Variants in TTN observed in about 807,000 individuals in gnomAD.
The protein encoded by TTN is titin, also known as connectin.
TTN carries 1,525 observed loss-of-function variants against 3,223.0 expected under a neutral mutation model. That is an observed-to-expected ratio of 0.47 (90% confidence interval 0.45 to 0.49). The LOEUF (loss-of-function observed/expected upper bound fraction) is 0.49. Ranked by LOEUF, TTN falls within the 20% of genes least tolerant of loss-of-function variation. The pLI, the probability that TTN is intolerant of heterozygous loss-of-function variation, is 0.00. For synonymous variants in TTN, 14,094 were observed against 15,161.0 expected (o/e 0.93, Z 5.17); for missense variants, 40,786 against 43,424.0 (o/e 0.94, Z 5.40).
intron 258 of TTN, 52 bp from the exon 259 acceptor site, chr2:178,615,536 C>G: frequency 6.2e-7 from 1 of 1,608,458 alleles, no homozygotes; most frequent in Non-Finnish European, 8.5e-7. Flanking sequence ...CTATGCAGTT[C>G]TCTTCACATT....
rs1290760034 is a variant in TTN, at chr2:178,672,261, G to A, written c.34937C>T (p.Thr11646Ile). 2 of 1,581,488 alleles carry A rather than the reference G, an allele frequency of 1.3e-6. No individual in the cohort carries two copies. Among genetic ancestry groups the A allele is most frequent in the Admixed American group, 1.8e-5 (1 of 55,536 alleles). The change falls in exon 155 of 363, where the codon ACT (threonine) becomes ATT (isoleucine). Residue 11646 changes from threonine to isoleucine, a missense_variant. Coordinates refer to ENST00000589042, the MANE Select transcript of TTN (RefSeq NM_001267550.2). ...KEAVPPAKGR[T>I]VLEEKVSVAF... ...AACTGATACTTTTTCTTCAAGGACA[G>A]TTCTCCCTGAAAGAGCATCTATTTT... is the stretch of plus-strand genomic sequence containing the variant.
At chr2:178,695,217 AT>A (rs905038440) in intron 115 of TTN, 130 bp downstream of exon 115, 1 of 627,492 alleles carries the variant, frequency 1.6e-6, no homozygotes, top group South Asian at 3.3e-5. Context: ...AGAAAAAAAA[AT>A]CATTCACAAT....
At position 178,568,522 on chromosome 2, in the gene TTN, G is replaced by A. The variant is rs1198389043; in HGVS notation, c.77610C>T (p.Ile25870=). The stretch of plus-strand genomic sequence containing the variant: ...TCTGACCAACAACATTGGCAACTGT[G>A]ATTCCATATTGTCCACCATCATCCT... ...THKDDGGQYG[I]TVANVVGQKT... The change falls in exon 326 of 363, where the codon ATC becomes ATT. Residue 25870 remains isoleucine (I), a synonymous_variant. Transcript: ENST00000589042. The A allele has an allele frequency of 6.2e-7, 1 of 1,613,384 alleles. No homozygotes were observed. Among genetic ancestry groups the A allele is most frequent in the Non-Finnish European group, 8.5e-7 (1 of 1,179,528 alleles).
In TTN at chr2:178,536,737, C is replaced by G. The variant is rs528204773; in HGVS notation, c.100172-162G>C. 5 of 808,392 alleles carry G rather than the reference C, an allele frequency of 6.2e-6. No homozygotes were observed. The South Asian group carries it at 1.3e-4, about 21-fold the overall frequency. The allele number at this position is 808,392 out of a possible 1,614,324, so 50.1% of individuals were successfully genotyped here. On this transcript the variant is annotated intron_variant, in intron 356 of 362. Coordinates refer to ENST00000589042, the MANE Select transcript of TTN (RefSeq NM_001267550.2). ...CTTTATACTAAGACATATCAAAAAC[C>G]AAAGTTCTATTTTTACAATGGGGTT...
Position 178,565,665 on chromosome 2 carries a change from C to G in TTN, c.80467G>C (p.Gly26823Arg). The G allele has an allele frequency of 6.2e-7, 1 of 1,613,574 alleles. No homozygotes were observed. The highest frequency in any genetic ancestry group is 8.5e-7 in the Non-Finnish European group (1 of 1,179,640). ...GCCACAATGCTCCATTTTTCAGTTC[C>G]TTTGGGCTGCATTTCAACAACGTAC... ...LGYVVEMQPK[G>R]TEKWSIVAES... Residue 26823 changes from glycine (G) to arginine (R), a missense_variant, in exon 326 of 363, where the codon GGA (glycine) becomes CGA (arginine). Transcript: ENST00000589042.
rs2075487390 is a variant in TTN at position 178,704,224 on chromosome 2, T to C, written c.30146A>G (p.Asp10049Gly). 1.9e-6 allele frequency: 3 copies of C among 1,614,048 alleles called. No homozygotes were observed. The highest frequency in any genetic ancestry group is 1.3e-5 in the African/African-American group (1 of 75,082). Reference sequence around the variant, plus strand: ...CTGACCCTGGTCTTCTGCTCGAACATCTGCAATGGTCAATTTATGGACTTT... The same window carrying C: ...CTGACCCTGGTCTTCTGCTCGAACACCTGCAATGGTCAATTTATGGACTTT... Reference protein sequence around the residue: ...EHKVHKLTIADVRAEDQGQYT... With the variant: ...EHKVHKLTIAGVRAEDQGQYT... The change falls in exon 106 of 363, where the codon GAT becomes GGT. Residue 10049 changes from aspartate (D) to glycine (G), a missense_variant. Asp to Gly is a moderately conservative substitution (Grantham distance 94). Transcript: ENST00000589042.
At position 178,677,335 on chromosome 2, in the gene TTN, C is replaced by CATATAT. The variant is rs61060584; in HGVS notation, c.34292-54_34292-49dup. On this transcript the variant is annotated intron_variant, in intron 146 of 362. Transcript: ENST00000589042. ...GCATTAAAAACCACATATACATGGT[C>CATATAT]ATATATATATATATATATATATATA... is the stretch of plus-strand genomic sequence containing the variant. 0.019 allele frequency: 4,888 copies of CATATAT among 251,208 alleles called. 116 individuals carry two copies. The highest frequency in any genetic ancestry group is 0.025 in the Admixed American group (304 of 12,274). 15.6% of individuals were successfully genotyped at this position (251,208 alleles called of 1,614,324 possible).
At position 178,593,639 on chromosome 2, in the gene TTN, A is replaced by G. The variant is rs974431132; in HGVS notation, c.58661T>C (p.Ile19554Thr). The G allele has an allele frequency of 1.2e-6, 2 of 1,613,108 alleles. No homozygotes were observed. The highest frequency in any genetic ancestry group is 2.2e-5 in the South Asian group (2 of 91,056). Residue 19554 changes from isoleucine (I) to threonine (T), a missense_variant, in exon 298 of 363, where the codon ATA becomes ACA. By Grantham distance (89) the Ile-to-Thr change is moderately conservative. Transcript: ENST00000589042. ...LLEGKDYIFR[I>T]HAENLYGISD... The stretch of plus-strand genomic sequence containing the variant: ...TATTCCATACAGATTTTCAGCATGT[A>G]TCCGGAAAATATAATCTTTTCCTTC...
rs375134177 is a variant in TTN at position 178,593,998 on chromosome 2, T to C, written c.58395A>G (p.Thr19465=). ...GKYCVVVENS[T]GSRKGFCQVN... is the part of the protein sequence containing the mutation. Reference sequence around the variant, plus strand: ...CTTGACAGAAACCTTTCCTAGAGCCTGTACTGTTCTCCACAACCACACAGT... The same window carrying C: ...CTTGACAGAAACCTTTCCTAGAGCCCGTACTGTTCTCCACAACCACACAGT... The change falls in exon 297 of 363, where the codon ACA becomes ACG. Residue 19465 remains threonine, a synonymous_variant. Coordinates refer to ENST00000589042, the MANE Select transcript of TTN (RefSeq NM_001267550.2). 8 of 1,613,494 alleles carry C rather than the reference T, an allele frequency of 5.0e-6. No homozygotes were observed. The African/African-American group carries it at 1.1e-4, about 22-fold the overall frequency.
Position 178,553,487 on chromosome 2 carries a change from C to A in TTN, c.89503+15G>T. 1.3e-6 allele frequency: 2 copies of A among 1,589,614 alleles called. No individual in the cohort carries two copies. The highest frequency in any genetic ancestry group is 1.7e-6 in the Non-Finnish European group (2 of 1,168,206). On this transcript the variant is annotated intron_variant, in intron 334 of 362. Transcript: ENST00000589042. ...ATGCTTATTAAAAAACATAATCAAA[C>A]CAGTAGGTACATACCAAGTATATCT...
chr2:178,582,005 C>G lies in TTN; in HGVS notation c.66364G>C (p.Glu22122Gln), dbSNP rs764747244. Residue 22122 changes from glutamate (E) to glutamine (Q), a missense_variant, in exon 315 of 363, where the codon GAA becomes CAA. Glu to Gln is a conservative substitution (Grantham distance 29). Transcript: ENST00000589042. ...ERTLKATGLQ[E>Q]GTEYEFRVTA... ...ACACGGAACTCATATTCGGTACCTT[C>G]TTGAAGACCTGTTGCTTTTAATGTT... 1 of 1,613,326 alleles carries G rather than the reference C, an allele frequency of 6.2e-7. No homozygotes were observed. Among genetic ancestry groups the G allele is most frequent in the Middle Eastern group, 1.7e-4 (1 of 6,052 alleles).
intron 180 of TTN, among the ~76,000 whole-genome samples, chr2:178,660,763 T>G (rs1255475005): frequency 6.6e-6 from 1 of 152,282 alleles, no homozygotes; most frequent in East Asian, 1.9e-4. Flanking sequence ...GGGAGAAAAT[T>G]TTTGCAATCT....
At chr2:178,706,326 G>A (rs2075860543) in intron 102 of TTN, 128 bp downstream of exon 102, 3 of 956,904 alleles carry the variant, frequency 3.1e-6, no homozygotes, top group African/African-American at 3.3e-5. Flanking sequence ...TTGTTATGCT[G>A]TATTGTTTAT....
At chr2:178,744,411 A>G (rs2083067246) in intron 47 of TTN, 1 of 982,878 alleles carries the variant, frequency 1.0e-6, no homozygotes, top group South Asian at 4.7e-5. Context: ...AGAATTTTTT[A>G]TATTTGTCGA....
At position 178,546,769 on chromosome 2, in the gene TTN, A is replaced by G. The variant is rs1344159944; in HGVS notation, c.94659T>C (p.Asp31553=). Residue 31553 remains aspartate (D), a synonymous_variant, in exon 341 of 363, where the codon GAT becomes GAC. Transcript: ENST00000589042. ...TGTAGTTGCACTTCAGCCAGCGACC[A>G]TCTCCTACCTCACTGACTGGCTTAC... ...IERKPVSEVG[D]GRWLKCNYTI... 6 of 1,613,608 alleles carry G rather than the reference A, an allele frequency of 3.7e-6. No individual in the cohort carries two copies. The highest frequency in any genetic ancestry group is 3.3e-5 in the South Asian group (3 of 91,080).
intron 106 of TTN, among the ~76,000 whole-genome samples, chr2:178,703,043 G>C (rs2075271516): frequency 6.6e-6 from 1 of 152,144 alleles, no homozygotes; most frequent in South Asian, 2.1e-4. Flanking sequence ...TCTTGCCTCA[G>C]TAAAATAATT....
Position 178,753,174 on chromosome 2 carries a change from T to G in TTN, c.11261A>C (p.Glu3754Ala). 7 of 1,608,498 alleles carry G rather than the reference T, an allele frequency of 4.4e-6. No homozygotes were observed. Among genetic ancestry groups the G allele is most frequent in the Non-Finnish European group, 5.1e-6 (6 of 1,176,642 alleles). ...TTCAATCCTCTCATGCAAAATTGATTCAGGAGCTAAAATAGAAAAACATAT... is the reference window on the plus strand; with the variant it reads ...TTCAATCCTCTCATGCAAAATTGATGCAGGAGCTAAAATAGAAAAACATAT... ...SAVLSVEGAP[E>A]SILHERIEQE... is the part of the protein sequence containing the mutation. The change falls in exon 47 of 363, where the codon GAA becomes GCA. Residue 3754 changes from glutamate to alanine, a missense_variant. Transcript: ENST00000589042.
Position 178,566,831 on chromosome 2 carries a change from A to G in TTN, c.79301T>C (p.Ile26434Thr). ...TGTAATGCGGCGTTTATTACATTTT[A>G]TCCATCGAATGCCACTTCTGTCTCT... ...EKRDRSGIRW[I>T]KCNKRRITDL... Residue 26434 changes from isoleucine to threonine, a missense_variant, in exon 326 of 363, where the codon ATA (isoleucine) becomes ACA (threonine). By Grantham distance (89) the Ile-to-Thr change is moderately conservative. Coordinates refer to ENST00000589042, the MANE Select transcript of TTN (RefSeq NM_001267550.2). 2 of 1,613,440 alleles carry G rather than the reference A, an allele frequency of 1.2e-6. No homozygotes were observed. Among genetic ancestry groups the G allele is most frequent in the East Asian group, 2.2e-5 (1 of 44,778 alleles).
At chr2:178,758,304 T>C (rs2087925299) in intron 44 of TTN, among the ~76,000 whole-genome samples, 1 of 152,246 alleles carries the variant, frequency 6.6e-6, no homozygotes, top group Admixed American at 6.5e-5. Flanking sequence ...AAAAATAGTT[T>C]CTCTAAATCC....
Sources: allele counts gnomAD v4.1 joint callset (sites outside exome capture counted in the v4.1 genomes callset), GRCh38; gene constraint gnomAD v4.1.1; transcripts MANE v1.5; gene names NCBI Gene and HGNC (gene_info 2026-07-23, HGNC 2026-07-21).